Variants in MAVS observed in about 807,000 individuals in gnomAD.
The protein encoded by MAVS is mitochondrial antiviral-signaling protein.
MAVS carries 20 observed loss-of-function variants against 30.2 expected under a neutral mutation model. That is an observed-to-expected ratio of 0.66 (90% CI 0.47 to 0.96). The LOEUF is 0.96. Among genes scored for constraint, MAVS ranks in the 40% least tolerant of loss-of-function variants. MAVS has a pLI of 0.00. For missense variants in MAVS, 624 were observed against 701.1 expected (o/e 0.89, Z 1.24); for synonymous variants, 278 against 293.9 (o/e 0.95, Z 0.55).
chr20:3,866,147 G>T lies in MAVS; in HGVS notation c.1623G>T (p.Ter541TyrextTer1). The T allele has an allele frequency of 6.3e-7, 1 of 1,577,794 alleles. No individual in the cohort carries two copies. The highest frequency in any genetic ancestry group is 1.1e-5 in the South Asian group (1 of 88,702). The change falls in exon 7 of 7, where the codon TAG becomes TAT. Residue 541 changes from the stop codon to tyrosine (Y), a stop_lost. Transcript: ENST00000428216. ...TGCTGTACCGGCGGCGTCTGCACTA[G>T]TGAAGCCCTGGGCTCTTCCCACCAC... is the stretch of plus-strand genomic sequence containing the variant. ...LVVLYRRRLH* is the reference protein window; with the variant it reads ...LVVLYRRRLHY
intron 5 of MAVS, among the ~76,000 whole-genome samples, 161 bp downstream of exon 5, chr20:3,862,574 A>G (rs1600452810): frequency 6.6e-6 from 1 of 152,146 alleles, no homozygotes; most frequent in East Asian, 1.9e-4. Context: ...ATCAGTTAGC[A>G]TTTGCTGTGT....
At chr20:3,857,558 C>A (rs76055836) in intron 2 of MAVS, 77 bp from the exon 3 acceptor site, 60 of 1,523,602 alleles carry the variant, frequency 3.9e-5, no homozygotes, top group Middle Eastern at 4.9e-4. Flanking sequence ...CCCCTCCCCC[C>A]GCTGTGGCTT....
intron 1 of MAVS, among the ~76,000 whole-genome samples, chr20:3,851,277 G>A (rs1276342466): frequency 1.3e-5 from 2 of 151,950 alleles, no homozygotes; most frequent in Non-Finnish European, 2.9e-5. Context: ...GCAGTGAACC[G>A]AGATTACGCC....
intron 1 of MAVS, among the ~76,000 whole-genome samples, chr20:3,850,045 G>A (rs940498063): frequency 2.6e-5 from 4 of 151,966 alleles, no homozygotes; most frequent in South Asian, 2.1e-4. Context: ...TTGGGAGGCC[G>A]AGGCGGGCAG....
rs1475274088 is a variant in MAVS at position 3,869,024 on chromosome 20, T to TTCTTTTG, written c.*2878_*2879insCTTTTGT. ...CTCCCATCTTTTTCTTTTTTCTTTT[T>TTCTTTTG]TTTAGAGAATCACCCAGCCTGGAGC... On this transcript the variant is annotated 3_prime_UTR_variant, in exon 7 of 7. Transcript: ENST00000428216. 1 of 152,326 alleles carries TTCTTTTG rather than the reference T, an allele frequency of 6.6e-6. No individual in the cohort carries two copies. Among genetic ancestry groups the TTCTTTTG allele is most frequent in the East Asian group, 1.9e-4 (1 of 5,300 alleles). The allele number at this position is 152,326 out of a possible 1,614,324, so 9.4% of individuals were successfully genotyped here.
At position 3,870,609 on chromosome 20, in the gene MAVS, G is replaced by A. The variant is rs1351676756; in HGVS notation, c.*4462G>A. The A allele has an allele frequency of 2.7e-5, 3 of 111,384 alleles. No individual in the cohort carries two copies. Among genetic ancestry groups the A allele is most frequent in the East Asian group, 5.9e-4 (2 of 3,398 alleles). The allele number at this position is 111,384 out of a possible 1,614,324, so 6.9% of individuals were successfully genotyped here. On this transcript the variant is annotated 3_prime_UTR_variant, in exon 7 of 7. Transcript: ENST00000428216. ...GAAGCCAGGAGTTTGAGACAAGCCT[G>A]GGCAACAAAGCAAGACCCTATCTCT...
intron 2 of MAVS, among the ~76,000 whole-genome samples, chr20:3,855,656 C>G (rs1383035567): frequency 6.6e-6 from 1 of 152,206 alleles, no homozygotes; most frequent in African/African-American, 2.4e-5. Flanking sequence ...CTCCGCTGTC[C>G]TCCCACACAG....
chr20:3,862,128 G>A (rs1407834714), intron 4 of MAVS, 126 bp from the exon 5 acceptor site: 3 of 1,078,888 alleles, frequency 2.8e-6, no homozygotes, highest in Non-Finnish European at 3.9e-6. Flanking sequence ...CCAGGCAAGG[G>A]CTCCCCTGGC....
chr20:3,852,011 C>CTTTTTTTTT (rs1278577898), intron 1 of MAVS, among the ~76,000 whole-genome samples: 2 of 47,222 alleles, frequency 4.2e-5, no homozygotes, highest in East Asian at 1.0e-3. Context: ...TTTTTTTCCC[C>CTTTTTTTTT]CGAGACGGAA....
intron 3 of MAVS, among the ~76,000 whole-genome samples, 179 bp from the exon 4 acceptor site, chr20:3,861,153 C>G (rs544825141): frequency 6.6e-6 from 1 of 151,998 alleles, no homozygotes; most frequent in Non-Finnish European, 1.5e-5. Flanking sequence ...CCACCATGCC[C>G]GGCTAATAAT....
rs2089953507 is a variant in MAVS, at chr20:3,871,301, C to G, written c.*5154C>G. On this transcript the variant is annotated 3_prime_UTR_variant, in exon 7 of 7. Coordinates refer to ENST00000428216, the MANE Select transcript of MAVS (RefSeq NM_020746.5). ...TTTGCTCCCAGACAGCATGAAGTAACAATGAGGCATCCACCTCTTGGTTTT... is the reference window on the plus strand; with the variant it reads ...TTTGCTCCCAGACAGCATGAAGTAAGAATGAGGCATCCACCTCTTGGTTTT... 1 of 153,924 alleles carries G rather than the reference C, an allele frequency of 6.5e-6. No homozygotes were observed. Among genetic ancestry groups the G allele is most frequent in the South Asian group, 2.1e-4 (1 of 4,832 alleles). 9.5% of individuals were successfully genotyped at this position (153,924 alleles called of 1,614,324 possible). A position where few individuals can be genotyped will look rare whatever the true frequency, so the allele number is the denominator to read the frequency against.
At chr20:3,858,735 C>T (rs974591150) in intron 3 of MAVS, among the ~76,000 whole-genome samples, 2 of 150,480 alleles carry the variant, frequency 1.3e-5, no homozygotes, top group Middle Eastern at 3.5e-3. Context: ...CTAGAGGTAA[C>T]CCCCGAGACC....
At chr20:3,856,296 C>T (rs1454388629) in intron 2 of MAVS, among the ~76,000 whole-genome samples, 2 of 151,840 alleles carry the variant, frequency 1.3e-5, no homozygotes, top group African/African-American at 4.8e-5. Flanking sequence ...CCTCATGATC[C>T]ACCCGCCTCG....
At chr20:3,863,053 A>G (rs976162443) in intron 5 of MAVS, among the ~76,000 whole-genome samples, 26 of 152,188 alleles carry the variant, frequency 1.7e-4, no homozygotes, top group African/African-American at 5.8e-4. Context: ...GACTGTAGGG[A>G]ACAGCCAGGG....
chr20:3,856,324 G>A (rs2089809965), intron 2 of MAVS, among the ~76,000 whole-genome samples: 1 of 148,156 alleles, frequency 6.7e-6, no homozygotes, highest in South Asian at 2.1e-4. Context: ...AAAGTGCTGG[G>A]ATTACAGGCG....
At position 3,864,385 on chromosome 20, in the gene MAVS, C is replaced by T. The variant is rs745366327; in HGVS notation, c.755C>T (p.Thr252Ile). 6.2e-6 allele frequency: 10 copies of T among 1,613,966 alleles called. No homozygotes were observed. Among genetic ancestry groups the T allele is most frequent in the Non-Finnish European group, 7.6e-6 (9 of 1,180,030 alleles). Residue 252 changes from threonine (T) to isoleucine (I), a missense_variant, in exon 6 of 7, where the codon ACC becomes ATC. Physicochemically the swap from Thr to Ile is moderately conservative, Grantham distance 89 (BLOSUM62 -1). Transcript: ENST00000428216. ...ACAGGGTCAGTTGTATCTACTGGCA[C>T]CTCCTTCTCCTCCTCATCCCCTGGC... ...GPTGSVVSTG[T>I]SFSSSSPGLA... is the part of the protein sequence containing the mutation.
At position 3,865,761 on chromosome 20, in the gene MAVS, G is replaced by A. The variant is rs62640879; in HGVS notation, c.1237G>A (p.Gly413Ser). The A allele has an allele frequency of 1.6e-3, 2,569 of 1,613,660 alleles. 32 individuals carry two copies. The African/African-American group carries it at 0.03, about 19-fold the overall frequency. ...GCTAGACAGCAGCTCTGAGAATAGGGGCCTTGGGTCGGAGCTGAGTAAGCC... is the reference window on the plus strand; with the variant it reads ...GCTAGACAGCAGCTCTGAGAATAGGAGCCTTGGGTCGGAGCTGAGTAAGCC... ...AWLDSSSENR[G>S]LGSELSKPGV... The change falls in exon 7 of 7, where the codon GGC becomes AGC. Residue 413 changes from glycine (G) to serine (S), a missense_variant. Transcript: ENST00000428216. The surrounding 1 kb of genome is among the most constrained non-coding windows in gnomAD (Gnocchi z 4.7).
chr20:3,854,283 T>A (rs2089789823), intron 1 of MAVS, among the ~76,000 whole-genome samples: 1 of 151,478 alleles, frequency 6.6e-6, no homozygotes, highest in South Asian at 2.1e-4. Flanking sequence ...TAGCTGGGCA[T>A]GGTGGTGCGC....
intron 1 of MAVS, among the ~76,000 whole-genome samples, chr20:3,849,750 G>T (rs1042481461): frequency 1.3e-5 from 2 of 152,086 alleles, no homozygotes; most frequent in Non-Finnish European, 2.9e-5. Flanking sequence ...ACTTTCTTTA[G>T]AGCCTTTATT....
Sources: allele counts gnomAD v4.1 joint callset (sites outside exome capture counted in the v4.1 genomes callset), GRCh38; gene constraint gnomAD v4.1.1; non-coding constraint Gnocchi (gnomAD v3.1); transcripts MANE v1.5; gene names NCBI Gene and HGNC (gene_info 2026-07-23, HGNC 2026-07-21).